The following CYB5A variants were observed in gnomAD, a reference collection of about 807,000 sequenced individuals.
CYB5A encodes the protein cytochrome b5.
Under a neutral mutation model 16.2 loss-of-function variants are expected in CYB5A, and 10 were observed. The ratio of observed to expected loss-of-function variants is 0.62; its 90% CI spans 0.38 to 1.04. The LOEUF (loss-of-function observed/expected upper bound fraction) is 1.04, where lower values mean the gene tolerates loss of function less well. CYB5A is among the 50% of genes least tolerant of loss of function. The pLI, the probability that CYB5A is intolerant of heterozygous loss-of-function variation, is 0.01. For synonymous variants in CYB5A, 62 were observed against 57.0 expected, an observed-to-expected ratio of 1.09 and a Z score of -0.40; for missense variants, 161 against 165.9, an observed-to-expected ratio of 0.97 and a Z score of 0.16.
intron 2 of CYB5A, among the ~76,000 whole-genome samples, chr18:74,263,129 C>T (rs1434756069): frequency 1.6e-5 from 2 of 123,902 alleles, no homozygotes; most frequent in Non-Finnish European, 3.2e-5. Context: ...GCCTGGGTGA[C>T]AGAGTAAGAC....
At chr18:74,284,607 C>G (rs1430673598) in intron 1 of CYB5A, among the ~76,000 whole-genome samples, 1 of 152,190 alleles carries the variant, frequency 6.6e-6, no homozygotes, top group Non-Finnish European at 1.5e-5. Flanking sequence ...CAAACTGACA[C>G]TCCCCAGGCC....
At chr18:74,288,560 C>T (rs903562545) in intron 1 of CYB5A, among the ~76,000 whole-genome samples, 1 of 152,278 alleles carries the variant, frequency 6.6e-6, no homozygotes, top group African/African-American at 2.4e-5. Flanking sequence ...ATCGGGCAAG[C>T]GGGGAAGAGA....
At chr18:74,267,539 G>T (rs1168596343) in intron 1 of CYB5A, among the ~76,000 whole-genome samples, 1 of 152,206 alleles carries the variant, frequency 6.6e-6, no homozygotes, top group Non-Finnish European at 1.5e-5. Flanking sequence ...TGCCATCGTG[G>T]TTATGCCCAG....
At chr18:74,280,599 T>A (rs1415899672) in intron 1 of CYB5A, among the ~76,000 whole-genome samples, 1 of 151,874 alleles carries the variant, frequency 6.6e-6, no homozygotes, top group Non-Finnish European at 1.5e-5. Context: ...AAAAAAGTTT[T>A]ACATTTTATA....
At chr18:74,273,951 A>G (rs1982769900) in intron 1 of CYB5A, among the ~76,000 whole-genome samples, 1 of 152,258 alleles carries the variant, frequency 6.6e-6, no homozygotes, top group Admixed American at 6.5e-5. Context: ...TGGCACGCCC[A>G]GGACTGTTCA....
chr18:74,291,335 C>T (rs1479392598), intron 1 of CYB5A, among the ~76,000 whole-genome samples: 1 of 152,234 alleles, frequency 6.6e-6, no homozygotes, highest in Non-Finnish European at 1.5e-5. Context: ...GATGCCGCCG[C>T]GCAGGGCGCT....
chr18:74,284,866 C>A, intron 1 of CYB5A, among the ~76,000 whole-genome samples: 1 of 152,202 alleles, frequency 6.6e-6, no homozygotes, highest in East Asian at 1.9e-4. Flanking sequence ...TTCTTGCCAT[C>A]ATCCACAGAG....
chr18:74,260,260 T>C (rs1030171094), intron 3 of CYB5A: 2 of 153,626 alleles, frequency 1.3e-5, no homozygotes, highest in African/African-American at 4.8e-5. Flanking sequence ...AATTAGACAC[T>C]AGAAACTATT....
At chr18:74,261,182 A>ACAGT (rs1982184884) in intron 2 of CYB5A, 2 of 481,830 alleles carry the variant, frequency 4.2e-6, no homozygotes, top group Non-Finnish European at 7.6e-6. Context: ...AGCACCCATG[A>ACAGT]CAGCTCTCTG....
chr18:74,272,307 A>G (rs1459836108), intron 1 of CYB5A, among the ~76,000 whole-genome samples: 7 of 152,210 alleles, frequency 4.6e-5, no homozygotes, highest in Admixed American at 4.6e-4. Context: ...TGCTCCAGCC[A>G]ATGGATGCAG....
chr18:74,282,620 G>T (rs560889596), intron 1 of CYB5A, among the ~76,000 whole-genome samples: 2 of 152,306 alleles, frequency 1.3e-5, no homozygotes, highest in African/African-American at 4.8e-5. Flanking sequence ...AAACGGGATG[G>T]GACACCATGC....
At chr18:74,279,607 GGAAA>G (rs1165699007) in intron 1 of CYB5A, among the ~76,000 whole-genome samples, 1 of 152,110 alleles carries the variant, frequency 6.6e-6, no homozygotes, top group African/African-American at 2.4e-5. Context: ...GCCCAGAGGT[GGAAA>G]GAAAGCAGGA....
In CYB5A at chr18:74,263,597, GA is replaced by G. The variant is rs1198762133; in HGVS notation, c.130-121del. ...TCAGAAGACACAGATGACAACAGGA[GA>G]CTAACTTGTCCATAAATGTGGATTA... On this transcript the variant is annotated intron_variant, in intron 1 of 4. Coordinates refer to ENST00000340533, the MANE Select transcript of CYB5A (RefSeq NM_148923.4). 4.0e-6 allele frequency: 3 copies of G among 741,806 alleles called. No homozygotes were observed. In the Admixed American group the frequency reaches 7.4e-5, roughly 18 times the overall value. The allele number at this position is 741,806 out of a possible 1,614,324, so 46.0% of individuals were successfully genotyped here.
At chr18:74,255,511 T>C (rs535382564) in intron 4 of CYB5A, among the ~76,000 whole-genome samples, 1 of 152,154 alleles carries the variant, frequency 6.6e-6, no homozygotes, top group Non-Finnish European at 1.5e-5. Flanking sequence ...GTTTGTTCCT[T>C]GGGGTGGATG....
In CYB5A at chr18:74,262,699, AT is replaced by A. The variant is rs752059898; in HGVS notation, c.258+649del. On this transcript the variant is annotated intron_variant, in intron 2 of 4. Coordinates refer to ENST00000340533, the MANE Select transcript of CYB5A (RefSeq NM_148923.4). ...AATGAAAGTAGAAGTGGGGTTCTTA[AT>A]AAAAATATTTTGGTCAGAAAAGGAA... 4.3e-4 allele frequency among the ~76,000 whole-genome samples: 65 copies of A among 152,282 alleles called. 1 individual carries two copies. In the Middle Eastern group the frequency reaches 0.014, roughly 32 times the overall value.
chr18:74,254,038 G>T (rs963132738), intron 4 of CYB5A, among the ~76,000 whole-genome samples: 1 of 152,178 alleles, frequency 6.6e-6, no homozygotes, highest in South Asian at 2.1e-4. Context: ...GTAGCTGGGC[G>T]TGGTGGCAGT....
At chr18:74,266,851 AC>A (rs74487237) in intron 1 of CYB5A, among the ~76,000 whole-genome samples, 9,699 of 31,888 alleles carry the variant, frequency 0.3, 832 homozygotes, top group East Asian at 0.53. Flanking sequence ...AAAAAAAAAA[AC>A]ATAGCTTAGA....
chr18:74,289,816 C>CG (rs1215287147), intron 1 of CYB5A, among the ~76,000 whole-genome samples: 13 of 149,802 alleles, frequency 8.7e-5, no homozygotes, highest in Non-Finnish European at 1.8e-4. Context: ...GTGGTGGTAC[C>CG]GGTCATCTAG....
intron 1 of CYB5A, among the ~76,000 whole-genome samples, chr18:74,285,062 T>C (rs890004002): frequency 6.6e-6 from 1 of 152,140 alleles, no homozygotes; most frequent in Non-Finnish European, 1.5e-5. Context: ...CCAAGGGTAA[T>C]AGGAAAGGAA....
Sources: gnomAD v4.1 joint callset for allele counts (sites outside exome capture counted in the v4.1 genomes callset) on GRCh38, gnomAD v4.1.1 for gene constraint, MANE v1.5 for transcripts, NCBI Gene and HGNC (gene_info 2026-07-23, HGNC 2026-07-21) for gene names.